CTNNA2: variants seen among roughly 807,000 people sequenced by gnomAD.
CTNNA2 encodes the protein catenin alpha-2.
Under a neutral mutation model 101.0 loss-of-function variants are expected in CTNNA2, and 42 were observed. The observed-to-expected ratio is 0.42, with a 90% CI of 0.32 to 0.54. The LOEUF (loss-of-function observed/expected upper bound fraction) is 0.54, where lower values mean the gene tolerates loss of function less well. Ranked by LOEUF, CTNNA2 falls within the 20% of genes least tolerant of loss-of-function variation. The pLI is 0.14. For missense variants in CTNNA2, 871 were observed against 1,223.1 expected, an observed-to-expected ratio of 0.71 and a Z score of 4.29; for synonymous variants, 450 against 456.4, an observed-to-expected ratio of 0.99 and a Z score of 0.18.
intron 3 of CTNNA2, among the ~76,000 whole-genome samples, chr2:79,313,021 G>T (rs1676419829): frequency 6.6e-6 from 1 of 152,154 alleles, no homozygotes; most frequent in South Asian, 2.1e-4. Flanking sequence ...GGTCACGTTT[G>T]TATCTCACAA....
intron 4 of CTNNA2, among the ~76,000 whole-genome samples, chr2:79,411,567 C>G (rs1442040911): frequency 6.6e-6 from 1 of 152,046 alleles, no homozygotes; most frequent in Non-Finnish European, 1.5e-5. Flanking sequence ...CTCTACAAAC[C>G]AGAAGAGAGT....
At chr2:79,527,486 A>AT (rs1370642627) in intron 1 of CTNNA2, among the ~76,000 whole-genome samples, 1 of 150,940 alleles carries the variant, frequency 6.6e-6, no homozygotes, top group Non-Finnish European at 1.5e-5. Flanking sequence ...AAAAAAAAAA[A>AT]AAAAAAAAAT....
intron 6 of CTNNA2, among the ~76,000 whole-genome samples, chr2:79,874,930 G>A (rs1320043021): frequency 6.6e-6 from 1 of 152,198 alleles, no homozygotes; most frequent in Non-Finnish European, 1.5e-5. Flanking sequence ...TATTAAAGGG[G>A]CACATGTTAT....
chr2:79,873,602 A>G (rs895360287), intron 5 of CTNNA2, among the ~76,000 whole-genome samples: 2 of 152,170 alleles, frequency 1.3e-5, no homozygotes, highest in African/African-American at 4.8e-5. Flanking sequence ...GGCATTTCAC[A>G]TAGAAGGGAC....
intron 3 of CTNNA2, among the ~76,000 whole-genome samples, chr2:79,856,827 C>T (rs973978730): frequency 3.3e-5 from 5 of 152,146 alleles, no homozygotes; most frequent in African/African-American, 4.8e-5. Context: ...TACTCCCTCT[C>T]CCATCTCCTT....
Position 79,486,382 on chromosome 2 carries a change from T to C in CTNNA2, c.-134-18672T>C, listed in dbSNP as rs1479293883. ...GAATGATGGTTTCCAGCTTCATCCA[T>C]GTCCCTACAAAGGACATGAACTTAT... On this transcript the variant is annotated intron_variant, in intron 4 of 21. Transcript: ENST00000466387. 5.3e-5 allele frequency among the ~76,000 whole-genome samples: 8 copies of C among 152,162 alleles called. No homozygotes were observed. The South Asian group carries it at 1.2e-3, about 24-fold the overall frequency.
At chr2:80,177,735 A>C (rs1265448328) in intron 7 of CTNNA2, among the ~76,000 whole-genome samples, 1 of 152,130 alleles carries the variant, frequency 6.6e-6, no homozygotes, top group Non-Finnish European at 1.5e-5. Flanking sequence ...GTTTTTGACC[A>C]CTCAGCGAGG....
intron 4 of CTNNA2, among the ~76,000 whole-genome samples, chr2:79,424,640 G>A (rs1295809647): frequency 6.6e-6 from 1 of 152,038 alleles, no homozygotes; most frequent in Non-Finnish European, 1.5e-5. Context: ...ATTTCTGGAG[G>A]CCAAGTATCA....
intron 7 of CTNNA2, among the ~76,000 whole-genome samples, chr2:80,281,467 A>T (rs537910380): frequency 2.2e-4 from 33 of 152,256 alleles, no homozygotes; most frequent in African/African-American, 7.5e-4. Context: ...TTTTCTAAAG[A>T]GCGTACATTA....
At chr2:79,385,641 C>T (rs1177451930) in intron 4 of CTNNA2, among the ~76,000 whole-genome samples, 1 of 151,782 alleles carries the variant, frequency 6.6e-6, no homozygotes, top group African/African-American at 2.4e-5. Flanking sequence ...GGTTTTAAGC[C>T]CCACATGCAT....
intron 1 of CTNNA2, chr2:79,573,735 C>G (rs1454522932): frequency 6.6e-6 from 1 of 152,156 alleles, no homozygotes; most frequent in Non-Finnish European, 1.5e-5. Context: ...TTCAGATTAT[C>G]TTAAATAATA....
chr2:79,924,698 A>G (rs1397006173), intron 7 of CTNNA2, among the ~76,000 whole-genome samples: 1 of 152,106 alleles, frequency 6.6e-6, no homozygotes, highest in Non-Finnish European at 1.5e-5. Context: ...CATTATTCAA[A>G]GTGAGTTGAG....
At chr2:80,581,660 A>G (rs1437148543) in intron 13 of CTNNA2, 46 bp from the exon 14 acceptor site, 1 of 1,214,426 alleles carries the variant, frequency 8.2e-7, no homozygotes, top group Admixed American at 1.7e-5. Context: ...GATGGGGGTG[A>G]AGATTATCAA....
intron 2 of CTNNA2, among the ~76,000 whole-genome samples, chr2:79,731,343 T>G (rs556782524): frequency 6.6e-6 from 1 of 152,210 alleles, no homozygotes; most frequent in South Asian, 2.1e-4. Context: ...CCCTGTACTC[T>G]CGAGTCATCT....
At chr2:80,415,515 G>A (rs530425864) in intron 8 of CTNNA2, among the ~76,000 whole-genome samples, 20 of 152,246 alleles carry the variant, frequency 1.3e-4, no homozygotes, top group African/African-American at 4.8e-4. Context: ...AACTGAGAAA[G>A]TGTTTGCAAG....
At chr2:79,607,095 A>G (rs182688092) in intron 1 of CTNNA2, among the ~76,000 whole-genome samples, 1 of 152,302 alleles carries the variant, frequency 6.6e-6, no homozygotes, top group African/African-American at 2.4e-5. Flanking sequence ...AAAAAGATAT[A>G]CCATGATAAC....
At chr2:79,532,008 T>C (rs1391360955) in intron 1 of CTNNA2, among the ~76,000 whole-genome samples, 1 of 152,072 alleles carries the variant, frequency 6.6e-6, no homozygotes, top group Non-Finnish European at 1.5e-5. Flanking sequence ...AAATAAATCC[T>C]CCATATGAAT....
intron 2 of CTNNA2, among the ~76,000 whole-genome samples, chr2:79,292,625 G>C (rs563348435): frequency 6.6e-6 from 1 of 152,244 alleles, no homozygotes; most frequent in African/African-American, 2.4e-5. Flanking sequence ...GAAGGTCATT[G>C]AGGCCCAGAT....
At chr2:79,390,807 G>A (rs748758488) in intron 4 of CTNNA2, among the ~76,000 whole-genome samples, 16 of 152,192 alleles carry the variant, frequency 1.1e-4, no homozygotes, top group East Asian at 1.9e-4. Context: ...CACCTGTGTC[G>A]TGTCTCAAGG....
Sources: gnomAD v4.1 joint callset for allele counts (sites outside exome capture counted in the v4.1 genomes callset) on GRCh38, gnomAD v4.1.1 for gene constraint, MANE v1.5 for transcripts, NCBI Gene and HGNC (gene_info 2026-07-23, HGNC 2026-07-21) for gene names.